KIF23: variants seen among roughly 807,000 people sequenced by gnomAD.
KIF23 encodes kinesin family member 23, also known as kinesin-like protein KIF23.
In KIF23, 30 loss-of-function variants were observed where a neutral mutation model predicts 137.5. That is an observed-to-expected ratio of 0.22 (90% CI 0.16 to 0.30). The LOEUF is 0.30. Ranked by LOEUF, KIF23 falls within the 10% of genes least tolerant of loss-of-function variation. The pLI is 1.00. For missense variants in KIF23, 920 were observed against 1,194.3 expected, an observed-to-expected ratio of 0.77 and a Z score of 3.38; for synonymous variants, 367 against 391.1, an observed-to-expected ratio of 0.94 and a Z score of 0.73.
chr15:69,436,432 G>C (rs780647704), intron 14 of KIF23, 132 bp from the exon 15 acceptor site: 1 of 1,192,358 alleles, frequency 8.4e-7, no homozygotes, highest in Non-Finnish European at 1.2e-6. Context: ...TGATTCTTAG[G>C]TAAGTAAACT....
At chr15:69,428,705 A>ATTATG (rs2057274760) in intron 10 of KIF23, among the ~76,000 whole-genome samples, 1 of 149,884 alleles carries the variant, frequency 6.7e-6, no homozygotes, top group African/African-American at 2.5e-5. Context: ...TATTTATAGC[A>ATTATG]TTATGAAATT....
chr15:69,421,245 A>G (rs4777142), intron 3 of KIF23, among the ~76,000 whole-genome samples: 149,512 of 152,178 alleles, frequency 0.98, 73,505 homozygotes, highest in Non-Finnish European at 1. Flanking sequence ...AAAATTAGCC[A>G]GGTGTGGTGG....
At chr15:69,445,397 A>G (rs984738998) in intron 20 of KIF23, among the ~76,000 whole-genome samples, 2 of 152,158 alleles carry the variant, frequency 1.3e-5, no homozygotes, top group African/African-American at 4.8e-5. Flanking sequence ...CAAAAACAAA[A>G]CAAAACGAAA....
Position 69,434,570 on chromosome 15 carries a change from G to T in KIF23, c.1115-913G>T. 6 of 1,089,730 alleles carry T rather than the reference G, an allele frequency of 5.5e-6. No homozygotes were observed. In the Admixed American group the frequency reaches 6.9e-5, roughly 12 times the overall value. The allele number at this position is 1,089,730 out of a possible 1,614,324, so 67.5% of individuals were successfully genotyped here. On this transcript the variant is annotated intron_variant, in intron 11 of 23. Transcript: ENST00000679126. ...TGGTTCAACTCCCTTTGTTGTCCTG[G>T]TCAAGATAACATCTCCTTCTTCCAA...
rs372297094 is a variant in KIF23 at position 69,435,566 on chromosome 15, A to G, written c.1194+4A>G. 6 of 1,613,914 alleles carry G rather than the reference A, an allele frequency of 3.7e-6. No individual in the cohort carries two copies. Among genetic ancestry groups the G allele is most frequent in the Non-Finnish European group, 5.1e-6 (6 of 1,179,986 alleles). ...CCAAATGTATGGAACTAACAAGGTA[A>G]GCAGCAGCCTTCTCTGTTCTTTTGT... On this transcript the variant is annotated splice_donor_region_variant and intron_variant, in intron 12 of 23. Coordinates refer to ENST00000679126, the MANE Select transcript of KIF23 (RefSeq NM_001367805.3).
intron 11 of KIF23, among the ~76,000 whole-genome samples, chr15:69,431,376 G>C (rs1408076223): frequency 6.6e-6 from 1 of 152,232 alleles, no homozygotes; most frequent in Non-Finnish European, 1.5e-5. Flanking sequence ...CACTTTGGGA[G>C]GCCAAGGCAG....
rs574222462 is a variant in KIF23 at position 69,439,538 on chromosome 15, A to C, written c.1756-366A>C. The stretch of plus-strand genomic sequence containing the variant: ...CTGTGTAATGTATGTCTGTTCTCTC[A>C]TTTACAGAGGGTCATTTAGAGGTTT... On this transcript the variant is annotated intron_variant, in intron 16 of 23. Coordinates refer to ENST00000679126, the MANE Select transcript of KIF23 (RefSeq NM_001367805.3). 1.2e-4 allele frequency among the ~76,000 whole-genome samples: 18 copies of C among 152,298 alleles called. 1 individual carries two copies. In the South Asian group the frequency reaches 3.1e-3, roughly 26 times the overall value.
At chr15:69,432,532 C>CT (rs56413721) in intron 11 of KIF23, among the ~76,000 whole-genome samples, 263 of 145,010 alleles carry the variant, frequency 1.8e-3, no homozygotes, top group East Asian at 5.8e-3. Flanking sequence ...AAACAAGTAG[C>CT]TTTTTTTTTT....
intron 17 of KIF23, 105 bp downstream of exon 17, chr15:69,440,182 G>A (rs1458722804): frequency 1.5e-5 from 23 of 1,497,622 alleles, no homozygotes; most frequent in Non-Finnish European, 1.6e-5. Context: ...GGGTTTTGGT[G>A]GTGGTTGTTA....
chr15:69,423,182 CAGATATGATAACTGTACA>C lies in KIF23; in HGVS notation c.591_608del (p.Asp197_Gln202del). On this transcript the variant is annotated inframe_deletion, in exon 7 of 24. Transcript: ENST00000679126. ...AGACGACAAGTAGATCCAGAGTTTG[CAGATATGATAACTGTACA>C]AGAATTCTGCAAAGCAGAAGAGGTT... The C allele has an allele frequency of 6.3e-7, 1 of 1,594,844 alleles. No individual in the cohort carries two copies. Among genetic ancestry groups the C allele is most frequent in the Non-Finnish European group, 8.5e-7 (1 of 1,170,236 alleles).
At chr15:69,427,312 A>C (rs1379605619) in intron 10 of KIF23, 1 of 440,808 alleles carries the variant, frequency 2.3e-6, no homozygotes, top group Non-Finnish European at 4.5e-6. Context: ...GAGGACACCA[A>C]GGGATGACTC....
chr15:69,441,134 T>G (rs2057610359), intron 19 of KIF23, 55 bp downstream of exon 19: 1 of 1,439,102 alleles, frequency 6.9e-7, no homozygotes, highest in Non-Finnish European at 9.4e-7. Context: ...TCTTCTTTGT[T>G]TTTTGTAACT....
intron 2 of KIF23, among the ~76,000 whole-genome samples, chr15:69,416,444 T>C (rs2056910700): frequency 1.3e-5 from 2 of 152,336 alleles, no homozygotes; most frequent in South Asian, 4.1e-4. Context: ...CCAAGTTTAA[T>C]TCAGTTAAAT....
At chr15:69,437,456 C>CTTTT (rs772460557) in intron 15 of KIF23, among the ~76,000 whole-genome samples, 10 of 120,550 alleles carry the variant, frequency 8.3e-5, no homozygotes, top group African/African-American at 1.6e-4. Flanking sequence ...AATGTATCTA[C>CTTTT]TTTTTTTTTT....
In KIF23 at chr15:69,428,292, C is replaced by T. The variant is rs117986250; in HGVS notation, c.1012-819C>T. 1.3e-3 allele frequency among the ~76,000 whole-genome samples: 200 copies of T among 151,874 alleles called. 5 individuals are homozygous for T. In the East Asian group the frequency reaches 0.035, roughly 27 times the overall value. Reference sequence around the variant, plus strand: ...GTTATAAGTCAGCCTTCCATATGCACCTGATTTCCATTGAATCACATCTAA... The same window carrying T: ...GTTATAAGTCAGCCTTCCATATGCATCTGATTTCCATTGAATCACATCTAA... On this transcript the variant is annotated intron_variant, in intron 10 of 23. Coordinates refer to ENST00000679126, the MANE Select transcript of KIF23 (RefSeq NM_001367805.3).
intron 11 of KIF23, 117 bp downstream of exon 11, chr15:69,429,330 G>A (rs772185886): frequency 5.7e-6 from 4 of 696,118 alleles, no homozygotes; most frequent in Admixed American, 5.5e-5. Context: ...TTATTGAGAC[G>A]GTCTTACTCT....
At chr15:69,414,645 C>G (rs1319384734) in intron 1 of KIF23, 169 bp downstream of exon 1, 9 of 688,404 alleles carry the variant, frequency 1.3e-5, no homozygotes, top group Non-Finnish European at 1.9e-5. Context: ...CACGTGTGGC[C>G]GCTCCGCGGG....
chr15:69,432,617 G>A (rs981657195), intron 11 of KIF23, among the ~76,000 whole-genome samples: 2 of 152,132 alleles, frequency 1.3e-5, no homozygotes, highest in Non-Finnish European at 2.9e-5. Context: ...TGGATGTAGG[G>A]TGAAGCCTAT....
chr15:69,445,943 A>C, intron 20 of KIF23, 66 bp from the exon 21 acceptor site: 1 of 1,101,254 alleles, frequency 9.1e-7, no homozygotes. Context: ...ACAGTTTGAA[A>C]TATATATGTG....
Sources: gnomAD v4.1 joint callset for allele counts (sites outside exome capture counted in the v4.1 genomes callset) on GRCh38, gnomAD v4.1.1 for gene constraint, MANE v1.5 for transcripts, NCBI Gene and HGNC (gene_info 2026-07-23, HGNC 2026-07-21) for gene names.